Variants in SLC25A21 observed in about 807,000 individuals in gnomAD.
SLC25A21 encodes the protein mitochondrial 2-oxodicarboxylate carrier.
A neutral mutation model predicts 43.8 loss-of-function variants in SLC25A21; 47 were observed. The ratio of observed to expected loss-of-function variants is 1.07; its 90% CI spans 0.85 to 1.37. SLC25A21 has a LOEUF of 1.37. Ranked by LOEUF, SLC25A21 falls within the 40% of genes most tolerant of loss-of-function variation. The probability of loss-of-function intolerance (pLI) is 0.00; values close to 1 mark genes in which losing one functional copy is unlikely to be tolerated. For missense variants in SLC25A21, 352 were observed against 350.2 expected, an observed-to-expected ratio of 1.00 and a Z score of -0.04; for synonymous variants, 131 against 121.3, an observed-to-expected ratio of 1.08 and a Z score of -0.52.
rs1014513724 is a variant in SLC25A21 at position 36,752,787 on chromosome 14, G to T, written c.204-18214C>A. On this transcript the variant is annotated intron_variant, in intron 3 of 9. Coordinates refer to ENST00000331299, the MANE Select transcript of SLC25A21 (RefSeq NM_030631.4). Reference sequence around the variant, plus strand: ...CCTCATGCTGTTCTTGTGATAGTGAGGGAGTTCTCAAGAGATCTGATGGTT... The same window carrying T: ...CCTCATGCTGTTCTTGTGATAGTGATGGAGTTCTCAAGAGATCTGATGGTT... 5.3e-5 allele frequency among the ~76,000 whole-genome samples: 8 copies of T among 152,174 alleles called. No individual in the cohort carries two copies. In the East Asian group the frequency reaches 1.5e-3, roughly 29 times the overall value.
intron 2 of SLC25A21, among the ~76,000 whole-genome samples, chr14:36,837,482 G>A (rs1347832671): frequency 6.6e-6 from 1 of 152,106 alleles, no homozygotes; most frequent in African/African-American, 2.4e-5. Flanking sequence ...AGGAAGGCCA[G>A]GGGAGGAGCA....
At chr14:37,074,364 T>G (rs1179829247) in intron 1 of SLC25A21, among the ~76,000 whole-genome samples, 1 of 152,206 alleles carries the variant, frequency 6.6e-6, no homozygotes, top group Admixed American at 6.5e-5. Context: ...GAATTAGAAA[T>G]CATGATCCTC....
chr14:37,151,677 A>G (rs1963761267), intron 1 of SLC25A21, among the ~76,000 whole-genome samples: 2 of 152,238 alleles, frequency 1.3e-5, no homozygotes, highest in African/African-American at 4.8e-5. Flanking sequence ...AGCAAAGAGC[A>G]GAGTTTGAGT....
At chr14:37,033,247 A>G (rs868065891) in intron 1 of SLC25A21, among the ~76,000 whole-genome samples, 1 of 152,346 alleles carries the variant, frequency 6.6e-6, no homozygotes, top group South Asian at 2.1e-4. Flanking sequence ...TATTTCACCT[A>G]GCATAATGTC....
chr14:37,162,188 T>TC (rs1963955853), intron 1 of SLC25A21, among the ~76,000 whole-genome samples: 1 of 152,138 alleles, frequency 6.6e-6, no homozygotes, highest in Admixed American at 6.5e-5. Context: ...AAGAAATTTC[T>TC]GAAAATTTTC....
At chr14:36,857,948 A>G (rs188180784) in intron 2 of SLC25A21, among the ~76,000 whole-genome samples, 1 of 152,322 alleles carries the variant, frequency 6.6e-6, no homozygotes, top group Admixed American at 6.5e-5. Context: ...AATTAATGAA[A>G]ACACAATACA....
At chr14:36,683,601 C>G (rs1882392261) in intron 9 of SLC25A21, among the ~76,000 whole-genome samples, 1 of 152,156 alleles carries the variant, frequency 6.6e-6, no homozygotes, top group African/African-American at 2.4e-5. Flanking sequence ...TGGGTTTTGG[C>G]TTCTGTTAGC....
chr14:37,060,281 C>G lies in SLC25A21; in HGVS notation c.70+112000G>C, dbSNP rs184796641. ...TGACACTGTGATCTCAGATTTACAG[C>G]CTCCAGAACTGTAAGAAATAAATTT... On this transcript the variant is annotated intron_variant, in intron 1 of 9. Coordinates refer to ENST00000331299, the MANE Select transcript of SLC25A21 (RefSeq NM_030631.4). Among the ~76,000 whole-genome samples the G allele has an allele frequency of 5.3e-5, 8 of 151,742 alleles. No homozygotes were observed. The East Asian group carries it at 1.6e-3, about 29-fold the overall frequency.
intron 1 of SLC25A21, among the ~76,000 whole-genome samples, chr14:36,907,307 G>C (rs140371740): frequency 6.6e-6 from 1 of 152,128 alleles, no homozygotes; most frequent in Non-Finnish European, 1.5e-5. Flanking sequence ...TCTGAGAAGA[G>C]GCTATGAAGT....
At chr14:36,685,764 G>A (rs1018251980) in intron 7 of SLC25A21, among the ~76,000 whole-genome samples, 5 of 152,182 alleles carry the variant, frequency 3.3e-5, no homozygotes, top group Admixed American at 3.3e-4. Flanking sequence ...TAGGTCTTAT[G>A]TGGGAGTCAC....
intron 2 of SLC25A21, among the ~76,000 whole-genome samples, chr14:36,830,333 T>G (rs778433126): frequency 7.9e-5 from 12 of 152,226 alleles, no homozygotes; most frequent in Non-Finnish European, 1.6e-4. Flanking sequence ...ACACATCCCA[T>G]CACTGTTATT....
chr14:36,788,871 A>C (rs1185220041), intron 3 of SLC25A21: 1 of 152,134 alleles, frequency 6.6e-6, no homozygotes, highest in Non-Finnish European at 1.5e-5. Context: ...CTCACCTAGA[A>C]AAGATCAGTT....
intron 1 of SLC25A21, among the ~76,000 whole-genome samples, chr14:37,158,570 G>C (rs993053922): frequency 6.6e-6 from 1 of 151,964 alleles, no homozygotes; most frequent in Non-Finnish European, 1.5e-5. Context: ...AGGCATATAA[G>C]GAACATACCT....
At chr14:36,695,349 T>C (rs11629091) in intron 7 of SLC25A21, among the ~76,000 whole-genome samples, 2,790 of 152,250 alleles carry the variant, frequency 0.018, 49 homozygotes, top group African/African-American at 0.054. Flanking sequence ...TAGCGTGATG[T>C]CTCCAGCTTT....
intron 3 of SLC25A21, among the ~76,000 whole-genome samples, chr14:36,791,639 T>C (rs1046644976): frequency 2.0e-5 from 3 of 152,204 alleles, no homozygotes; most frequent in African/African-American, 7.2e-5. Context: ...ACTGTGCTCA[T>C]GGAGTTTTTC....
chr14:37,043,003 T>C (rs1192756135), intron 1 of SLC25A21, among the ~76,000 whole-genome samples: 1 of 152,186 alleles, frequency 6.6e-6, no homozygotes, highest in East Asian at 1.9e-4. Flanking sequence ...AACCACTTCC[T>C]TTCCAATTGA....
intron 1 of SLC25A21, among the ~76,000 whole-genome samples, chr14:36,883,464 ATT>A (rs371830553): frequency 7.6e-4 from 115 of 152,144 alleles, no homozygotes; most frequent in African/African-American, 2.5e-3. Context: ...CTGCTTTTTC[ATT>A]TCTCTCTAGT....
chr14:36,756,865 A>C lies in SLC25A21; in HGVS notation c.204-22292T>G, dbSNP rs151289205. On this transcript the variant is annotated intron_variant, in intron 3 of 9. Transcript: ENST00000331299. ...AAAGTGTAAATGGGACTTTTTGCTC[A>C]CATTCTGAGAACACTATTTCCCAAA... is the stretch of plus-strand genomic sequence containing the variant. Among the ~76,000 whole-genome samples, 33 of 152,342 alleles carry C rather than the reference A, an allele frequency of 2.2e-4. 1 individual carries two copies. Among genetic ancestry groups the C allele is most frequent in the African/African-American group, 7.5e-4 (31 of 41,584 alleles).
intron 7 of SLC25A21, among the ~76,000 whole-genome samples, chr14:36,710,777 T>C (rs1883822975): frequency 1.3e-5 from 2 of 152,126 alleles, no homozygotes; most frequent in East Asian, 3.9e-4. Flanking sequence ...ATGATAATAA[T>C]TATCATCATT....
Sources: allele counts gnomAD v4.1 joint callset (sites outside exome capture counted in the v4.1 genomes callset), GRCh38; gene constraint gnomAD v4.1.1; transcripts MANE v1.5; gene names NCBI Gene and HGNC (gene_info 2026-07-23, HGNC 2026-07-21).